Variants in ABAT observed in about 807,000 individuals in gnomAD.
ABAT encodes 4-aminobutyrate aminotransferase, mitochondrial.
A neutral mutation model predicts 64.6 loss-of-function variants in ABAT; 45 were observed. The ratio of observed to expected loss-of-function variants is 0.70; its 90% CI spans 0.55 to 0.89. ABAT has a LOEUF of 0.89. ABAT is among the 40% of genes least tolerant of loss of function. The pLI is 0.00. For synonymous variants in ABAT, 297 were observed against 250.5 expected (o/e 1.19, Z -1.75); for missense variants, 633 against 658.4 (o/e 0.96, Z 0.42).
intron 3 of ABAT, 86 bp from the exon 4 acceptor site, chr16:8,748,022 C>G: frequency 7.3e-7 from 1 of 1,364,952 alleles, no homozygotes; most frequent in Non-Finnish European, 1.0e-6. Flanking sequence ...AAAAAAATGC[C>G]AAGACTTGGG....
At chr16:8,737,152 C>T (rs925202831) in intron 2 of ABAT, 13 of 152,172 alleles carry the variant, frequency 8.5e-5, no homozygotes, top group African/African-American at 3.1e-4. Flanking sequence ...GCGTTCGCCC[C>T]TCCCCAAGGA....
chr16:8,726,807 A>C (rs545873306), intron 1 of ABAT, among the ~76,000 whole-genome samples: 22 of 152,330 alleles, frequency 1.4e-4, no homozygotes, highest in African/African-American at 4.8e-4. Flanking sequence ...CATTCCCACT[A>C]ACAATGTACA....
At chr16:8,737,944 GGAA>G (rs1161327115) in intron 2 of ABAT, among the ~76,000 whole-genome samples, 26 of 9,680 alleles carry the variant, frequency 2.7e-3, no homozygotes, top group African/African-American at 5.1e-3. Context: ...AGAAAGGAAA[GGAA>G]GAAAGGAAGG....
intron 4 of ABAT, among the ~76,000 whole-genome samples, chr16:8,749,011 A>G (rs2059405567): frequency 6.7e-6 from 1 of 150,162 alleles, no homozygotes; most frequent in East Asian, 1.9e-4. Flanking sequence ...AGTTAATGTT[A>G]TTATTCATAT....
intron 1 of ABAT, among the ~76,000 whole-genome samples, chr16:8,730,265 G>C (rs2058680515): frequency 6.6e-6 from 1 of 152,140 alleles, no homozygotes; most frequent in South Asian, 2.1e-4. Flanking sequence ...GCACACGGTA[G>C]GTGTACCATG....
In ABAT at chr16:8,764,684, G is replaced by A. The variant is rs947230044; in HGVS notation, c.448-54G>A. ...AGATTCAGCTCCAGCCAGGGGAAGC[G>A]GGAGGACAGGAGTCATGATGAGCCT... On this transcript the variant is annotated intron_variant, in intron 7 of 15. Transcript: ENST00000268251. The surrounding 1 kb of genome is among the most constrained non-coding windows in gnomAD (Gnocchi z 4.2). The A allele has an allele frequency of 1.0e-4, 150 of 1,506,982 alleles. No homozygotes were observed. The highest frequency in any genetic ancestry group is 1.7e-4 in the Middle Eastern group (1 of 5,842). 93.4% of individuals were successfully genotyped at this position (1,506,982 alleles called of 1,614,324 possible).
intron 1 of ABAT, chr16:8,713,487 G>C (rs905828012): frequency 5.0e-6 from 1 of 199,906 alleles, no homozygotes; most frequent in Admixed American, 5.3e-5. Context: ...TTGTTTCTGT[G>C]TAGTTGCATC....
At chr16:8,741,616 T>G (rs1433990292) in intron 2 of ABAT, among the ~76,000 whole-genome samples, 2 of 152,266 alleles carry the variant, frequency 1.3e-5, no homozygotes, top group Non-Finnish European at 2.9e-5. Flanking sequence ...TCTTCATAGA[T>G]GAGATCCAAG....
At chr16:8,769,040 G>A in intron 11 of ABAT, 67 bp downstream of exon 11, 1 of 1,603,992 alleles carries the variant, frequency 6.2e-7, no homozygotes, top group Non-Finnish European at 8.5e-7. Context: ...CCCAAGACTT[G>A]GGGAGAAGAG....
At position 8,768,295 on chromosome 16, in the gene ABAT, A is replaced by G. The variant is rs371057736; in HGVS notation, c.667+39A>G. 5 of 1,598,604 alleles carry G rather than the reference A, an allele frequency of 3.1e-6. No individual in the cohort carries two copies. The African/African-American group carries it at 4.0e-5, about 13-fold the overall frequency. ...ATTGCGCTCCCAAGGTGGCGTTTAG[A>G]ATAGTAATAATAACGGCAACAATAG... On this transcript the variant is annotated intron_variant, in intron 10 of 15. Coordinates refer to ENST00000268251, the MANE Select transcript of ABAT (RefSeq NM_020686.6).
At chr16:8,731,121 C>T (rs1428254069) in intron 1 of ABAT, among the ~76,000 whole-genome samples, 1 of 152,120 alleles carries the variant, frequency 6.6e-6, no homozygotes, top group Non-Finnish European at 1.5e-5. Flanking sequence ...CACCACCACA[C>T]CCAGCTAATT....
intron 1 of ABAT, among the ~76,000 whole-genome samples, chr16:8,727,029 G>T (rs1462184948): frequency 6.6e-6 from 1 of 152,046 alleles, no homozygotes; most frequent in African/African-American, 2.4e-5. Flanking sequence ...TCCATTTTTT[G>T]ATCGAATTAT....
chr16:8,767,422 G>A (rs372694771), intron 9 of ABAT, among the ~76,000 whole-genome samples: 6 of 152,276 alleles, frequency 3.9e-5, no homozygotes, highest in African/African-American at 1.4e-4. Context: ...GGATGCAGGC[G>A]TGCACCCATC....
chr16:8,759,151 A>G (rs984872383), intron 6 of ABAT, among the ~76,000 whole-genome samples: 1 of 152,144 alleles, frequency 6.6e-6, no homozygotes, highest in African/African-American at 2.4e-5. Flanking sequence ...ACACCCATGC[A>G]GGCATGCATA....
chr16:8,702,656 C>A (rs1454035685), intron 1 of ABAT, among the ~76,000 whole-genome samples: 1 of 152,160 alleles, frequency 6.6e-6, no homozygotes, highest in Non-Finnish European at 1.5e-5. Flanking sequence ...ATGATCCAGT[C>A]CCCTCCCACC....
At chr16:8,761,376 C>A (rs1452906642) in intron 6 of ABAT, among the ~76,000 whole-genome samples, 1 of 152,232 alleles carries the variant, frequency 6.6e-6, no homozygotes, top group African/African-American at 2.4e-5. Context: ...GTACTTACTG[C>A]CTTCCGGCTG....
intron 1 of ABAT, among the ~76,000 whole-genome samples, chr16:8,720,195 C>T (rs2058327800): frequency 6.6e-6 from 1 of 152,224 alleles, no homozygotes; most frequent in African/African-American, 2.4e-5. Flanking sequence ...GTACTTTCTT[C>T]AATTGACCCT....
chr16:8,728,341 G>A (rs2058618676), intron 1 of ABAT, among the ~76,000 whole-genome samples: 1 of 152,188 alleles, frequency 6.6e-6, no homozygotes, highest in African/African-American at 2.4e-5. Flanking sequence ...AAACGTGTGG[G>A]ATTGGCTCTC....
intron 1 of ABAT, among the ~76,000 whole-genome samples, chr16:8,682,897 C>A (rs1427394417): frequency 6.6e-6 from 1 of 152,038 alleles, no homozygotes; most frequent in East Asian, 1.9e-4. Flanking sequence ...TAACAATATC[C>A]CCTGGGGTGA....
Sources: allele counts gnomAD v4.1 joint callset (sites outside exome capture counted in the v4.1 genomes callset), GRCh38; gene constraint gnomAD v4.1.1; non-coding constraint Gnocchi (gnomAD v3.1); transcripts MANE v1.5; gene names NCBI Gene and HGNC (gene_info 2026-07-23, HGNC 2026-07-21).